PCDHA3: variants seen among roughly 807,000 people sequenced by gnomAD.
The protein encoded by PCDHA3 is protocadherin alpha-3.
A neutral mutation model predicts 62.2 loss-of-function variants in PCDHA3; 41 were observed. The ratio of observed to expected loss-of-function variants is 0.66; its 90% CI spans 0.51 to 0.86. The LOEUF (loss-of-function observed/expected upper bound fraction) is 0.86, where lower values mean the gene tolerates loss of function less well. Ranked by LOEUF, PCDHA3 falls within the 40% of genes least tolerant of loss-of-function variation. The pLI, the probability that PCDHA3 is intolerant of heterozygous loss-of-function variation, is 0.00. For synonymous variants in PCDHA3, 640 were observed against 555.4 expected (o/e 1.15, Z -2.14); for missense variants, 1,304 against 1,241.2 (o/e 1.05, Z -0.76).
chr5:141,007,481 T>C (rs2098332347), intron 3 of PCDHA3, among the ~76,000 whole-genome samples: 1 of 151,600 alleles, frequency 6.6e-6, no homozygotes, highest in Non-Finnish European at 1.5e-5. Context: ...GGCACGAGAA[T>C]TACTTGGACC....
chr5:140,904,706 A>G (rs1554191662), intron 1 of PCDHA3, among the ~76,000 whole-genome samples: 2 of 151,982 alleles, frequency 1.3e-5, no homozygotes, highest in South Asian at 2.1e-4. Flanking sequence ...TTCCCTTTTC[A>G]CCACATTCTG....
At chr5:140,836,903 T>C in intron 1 of PCDHA3, 1 of 590,556 alleles carries the variant, frequency 1.7e-6, no homozygotes, top group Non-Finnish European at 2.8e-6. Flanking sequence ...GTACGTTTAA[T>C]ATACACTTTT....
At chr5:140,844,630 A>G (rs1413264229) in intron 1 of PCDHA3, among the ~76,000 whole-genome samples, 2 of 149,590 alleles carry the variant, frequency 1.3e-5, no homozygotes, top group Non-Finnish European at 3.0e-5. Flanking sequence ...CAGAAAAACT[A>G]TACATGATAA....
rs2150440873 is a variant in PCDHA3, at chr5:140,849,570, G to C, written c.2394+45979G>C. The C allele has an allele frequency of 3.3e-4, 531 of 1,598,560 alleles. 47 individuals carry two copies. Among genetic ancestry groups the C allele is most frequent in the Non-Finnish European group, 4.4e-4 (516 of 1,167,980 alleles). On this transcript the variant is annotated intron_variant, in intron 1 of 3. Coordinates refer to ENST00000522353, the MANE Select transcript of PCDHA3 (RefSeq NM_018906.3). ...GACTATCAAAACGCTCTCGGTTCCTGTAAAAGAGGACGCACAACTGGGGAC... is the reference window on the plus strand; with the variant it reads ...GACTATCAAAACGCTCTCGGTTCCTCTAAAAGAGGACGCACAACTGGGGAC...
At chr5:140,941,290 T>A (rs1403658442) in intron 1 of PCDHA3, among the ~76,000 whole-genome samples, 1 of 69,836 alleles carries the variant, frequency 1.4e-5, no homozygotes, top group Non-Finnish European at 3.3e-5. Flanking sequence ...TCCTTTCTCT[T>A]TCTTTCTTTC....
chr5:140,987,936 T>C lies in PCDHA3; in HGVS notation c.2542+5373T>C, dbSNP rs80117115. Among the ~76,000 whole-genome samples the C allele has an allele frequency of 7.9e-3, 1,205 of 152,348 alleles. 20 individuals are homozygous for C. Among genetic ancestry groups the C allele is most frequent in the African/African-American group, 0.027 (1,136 of 41,570 alleles). On this transcript the variant is annotated intron_variant, in intron 3 of 3. Coordinates refer to ENST00000522353, the MANE Select transcript of PCDHA3 (RefSeq NM_018906.3). ...TATTCTTAATTGTCTCAAGGATTCT[T>C]ACCTGTCTGACAAAACCAACTCCCC...
Position 140,883,352 on chromosome 5 carries a change from G to A in PCDHA3, c.2394+79761G>A, listed in dbSNP as rs1554177776. ...TTCTTTGTCACTCCCCATCAGAGAA[G>A]ACACTCAGCCTAGCGCCATTATTGC... is the stretch of plus-strand genomic sequence containing the variant. On this transcript the variant is annotated intron_variant, in intron 1 of 3. Coordinates refer to ENST00000522353, the MANE Select transcript of PCDHA3 (RefSeq NM_018906.3). The A allele has an allele frequency of 1.9e-6, 3 of 1,614,164 alleles. No homozygotes were observed. In the East Asian group the frequency reaches 6.7e-5, roughly 36 times the overall value.
intron 1 of PCDHA3, chr5:140,862,540 G>A: frequency 4.5e-6 from 2 of 444,274 alleles, no homozygotes; most frequent in South Asian, 3.5e-5. Flanking sequence ...TCGGGTCCGT[G>A]GAAGTGGCCG....
intron 1 of PCDHA3, chr5:140,857,490 C>T (rs1554150112): frequency 1.3e-6 from 2 of 1,598,382 alleles, no homozygotes; most frequent in East Asian, 4.5e-5. Context: ...GCGTGGGACG[C>T]GGACGCGCAG....
At chr5:140,863,799 G>C (rs1246230954) in intron 1 of PCDHA3, 1 of 212,342 alleles carries the variant, frequency 4.7e-6, no homozygotes, top group Non-Finnish European at 9.6e-6. Context: ...AGGAGTTTGA[G>C]ACCAGCCTGG....
In PCDHA3 at chr5:140,907,883, G is replaced by A. The variant is rs374762446; in HGVS notation, c.2395-71066G>A. Among the ~76,000 whole-genome samples, 394 of 152,228 alleles carry A rather than the reference G, an allele frequency of 2.6e-3. 2 individuals carry two copies. Among genetic ancestry groups the A allele is most frequent in the African/African-American group, 9.2e-3 (382 of 41,542 alleles). ...CCAGCCGTTGGTGAGCACTCACATG[G>A]GATACAAATATCTTCACAGTTTTTG... On this transcript the variant is annotated intron_variant, in intron 1 of 3. Coordinates refer to ENST00000522353, the MANE Select transcript of PCDHA3 (RefSeq NM_018906.3).
chr5:140,977,359 A>G (rs1335405602), intron 1 of PCDHA3, among the ~76,000 whole-genome samples: 6 of 152,212 alleles, frequency 3.9e-5, no homozygotes, highest in Non-Finnish European at 8.8e-5. Context: ...TGATTGATAA[A>G]AAGTATTTTA....
chr5:140,874,280 C>T (rs1317233709), intron 1 of PCDHA3, among the ~76,000 whole-genome samples: 3 of 152,146 alleles, frequency 2.0e-5, no homozygotes, highest in Admixed American at 6.5e-5. Flanking sequence ...AATAGACTTA[C>T]AAAATCTATG....
At position 140,829,299 on chromosome 5, in the gene PCDHA3, A is replaced by C. The variant is rs17844301; in HGVS notation, c.2394+25708A>C. 8.3e-4 allele frequency: 1,346 copies of C among 1,614,200 alleles called. 23 individuals carry two copies. In the East Asian group the frequency reaches 0.024, roughly 28 times the overall value. On this transcript the variant is annotated intron_variant, in intron 1 of 3. Transcript: ENST00000522353. Reference sequence around the variant, plus strand: ...TTCAAGCTGGTGTCCACCTTCAAGAATTACTACTCGTTGGTGCTGGACAGT... The same window carrying C: ...TTCAAGCTGGTGTCCACCTTCAAGACTTACTACTCGTTGGTGCTGGACAGT...
intron 1 of PCDHA3, chr5:140,810,888 A>G (rs1764751688): frequency 6.6e-6 from 1 of 152,200 alleles, no homozygotes; most frequent in Non-Finnish European, 1.5e-5. Context: ...CCTATTTCAC[A>G]AAGATAATTT....
At chr5:140,968,396 G>A (rs1181874720) in intron 1 of PCDHA3, 1 of 1,613,890 alleles carries the variant, frequency 6.2e-7, no homozygotes, top group Non-Finnish European at 8.5e-7. Flanking sequence ...GAAGTTTCGG[G>A]AGTTCTTTGT....
intron 1 of PCDHA3, chr5:140,841,832 A>G: frequency 6.2e-7 from 1 of 1,613,924 alleles, no homozygotes; most frequent in Non-Finnish European, 8.5e-7. Flanking sequence ...GTTAACCTAC[A>G]GGCTTAGCTC....
chr5:141,010,405 C>A lies in PCDHA3; in HGVS notation c.*468C>A. The A allele has an allele frequency of 7.9e-7, 1 of 1,260,098 alleles. No homozygotes were observed. The highest frequency in any genetic ancestry group is 1.1e-6 in the Non-Finnish European group (1 of 934,062). The allele number at this position is 1,260,098 out of a possible 1,614,324, so 78.1% of individuals were successfully genotyped here. On this transcript the variant is annotated 3_prime_UTR_variant, in exon 4 of 4. Transcript: ENST00000522353. ...ATTGGCTGAGACGAGCCAGCTTAGACTAATTGGTACAAGGAAGGCAAGAAA... is the reference window on the plus strand; with the variant it reads ...ATTGGCTGAGACGAGCCAGCTTAGAATAATTGGTACAAGGAAGGCAAGAAA...
In PCDHA3 at chr5:140,903,111, A is replaced by G. The variant is rs1002837275; in HGVS notation, c.2395-75838A>G. ...CATTGCTGGATCAAATAATAGCTCT[A>G]CTTCTAAATCTTTAAGAAATCTCCA... On this transcript the variant is annotated intron_variant, in intron 1 of 3. Transcript: ENST00000522353. Among the ~76,000 whole-genome samples, 13 of 152,306 alleles carry G rather than the reference A, an allele frequency of 8.5e-5. No individual in the cohort carries two copies. In the East Asian group the frequency reaches 2.5e-3, roughly 29 times the overall value.
Sources: gnomAD v4.1 joint callset for allele counts (sites outside exome capture counted in the v4.1 genomes callset) on GRCh38, gnomAD v4.1.1 for gene constraint, MANE v1.5 for transcripts, NCBI Gene and HGNC (gene_info 2026-07-23, HGNC 2026-07-21) for gene names.